The following TENM2 variants were observed in gnomAD, a reference collection of about 807,000 sequenced individuals.
TENM2 encodes teneurin transmembrane protein 2.
A neutral mutation model predicts 245.2 loss-of-function variants in TENM2; 52 were observed. The observed-to-expected ratio is 0.21, with a 90% CI of 0.17 to 0.27. The LOEUF is 0.27. Among genes scored for constraint, TENM2 ranks in the 10% least tolerant of loss-of-function variants. The probability of loss-of-function intolerance (pLI) is 1.00; values close to 1 mark genes in which losing one functional copy is unlikely to be tolerated. For missense variants in TENM2, 3,046 were observed against 3,666.8 expected (o/e 0.83, Z 4.37); for synonymous variants, 1,363 against 1,438.9 (o/e 0.95, Z 1.19).
the TENM2 span, among the ~76,000 whole-genome samples, chr5:167,130,912 TAAAAAAAAAAAAGAA>T: frequency 1.7e-5 from 2 of 118,348 alleles, no homozygotes; most frequent in African/African-American, 7.1e-5. Context: ...TTTTTTTTTT[TAAAAAAAAAAAAGAA>T]TGCTTTCCTT....
chr5:168,201,111 A>C (rs576965190), intron 17 of TENM2, among the ~76,000 whole-genome samples: 1 of 152,082 alleles, frequency 6.6e-6, no homozygotes, highest in African/African-American at 2.4e-5. Flanking sequence ...GGAGAGGGTA[A>C]GAAAGTTGCC....
intron 19 of TENM2, among the ~76,000 whole-genome samples, chr5:168,207,195 C>T (rs1277802885): frequency 6.6e-6 from 1 of 152,178 alleles, no homozygotes; most frequent in Admixed American, 6.5e-5. Flanking sequence ...CAGCAGACCC[C>T]TTGGTCATCT....
chr5:167,297,266 C>T lies in TENM2; in HGVS notation c.226+12203C>T, dbSNP rs561600073. Among the ~76,000 whole-genome samples, 56 of 152,152 alleles carry T rather than the reference C, an allele frequency of 3.7e-4. 1 individual carries two copies. Among genetic ancestry groups the T allele is most frequent in the South Asian group, 1.2e-3 (6 of 4,816 alleles). On this transcript the variant is annotated intron_variant, in intron 1 of 28. Coordinates refer to ENST00000518659, the Ensembl canonical transcript of TENM2. ...TTTAGGTTAATAAATGCAATATAAC[C>T]GAAGCTCATTATGTAGTGTTTCTAA...
At chr5:168,092,438 G>A (rs959303416) in intron 8 of TENM2, among the ~76,000 whole-genome samples, 4 of 152,230 alleles carry the variant, frequency 2.6e-5, no homozygotes, top group Non-Finnish European at 4.4e-5. Flanking sequence ...TCATGGCAGA[G>A]TTGAGTCATT....
intron 27 of TENM2, among the ~76,000 whole-genome samples, chr5:168,249,851 C>T (rs1766938213): frequency 6.6e-6 from 1 of 151,618 alleles, no homozygotes. Flanking sequence ...GAGTGAGAAC[C>T]CATCTCACAA....
the TENM2 span, among the ~76,000 whole-genome samples, chr5:167,221,031 T>C: frequency 6.6e-6 from 1 of 152,138 alleles, no homozygotes; most frequent in East Asian, 1.9e-4. Flanking sequence ...TTTCACCATA[T>C]TGACTAGGCT....
the TENM2 span, among the ~76,000 whole-genome samples, chr5:166,979,235 A>AGCAGCAGCAGCAGCAGCC: frequency 9.8e-5 from 14 of 142,844 alleles, no homozygotes; most frequent in Admixed American, 4.9e-4. Context: ...CAGCAGCAGC[A>AGCAGCAGCAGCAGCAGCC]GCCGCCGCGG....
chr5:167,443,700 T>C (rs1426394787), intron 2 of TENM2, among the ~76,000 whole-genome samples: 1 of 152,196 alleles, frequency 6.6e-6, no homozygotes, highest in Non-Finnish European at 1.5e-5. Context: ...GTATAAGTAC[T>C]TCTGAAATAT....
intron 2 of TENM2, among the ~76,000 whole-genome samples, chr5:167,873,052 T>C (rs990267052): frequency 6.6e-6 from 1 of 152,184 alleles, no homozygotes; most frequent in Non-Finnish European, 1.5e-5. Flanking sequence ...TGATTGTGAG[T>C]TAAAATCTGT....
chr5:168,167,485 C>T (rs1758408703), intron 13 of TENM2, among the ~76,000 whole-genome samples: 1 of 152,128 alleles, frequency 6.6e-6, no homozygotes, highest in Admixed American at 6.6e-5. Flanking sequence ...TGCTTTCTCC[C>T]ATCTGTGGGC....
exon 16 of TENM2, chr5:168,198,994 C>T: frequency 6.2e-7 from 1 of 1,614,036 alleles, no homozygotes; most frequent in South Asian, 1.1e-5. Flanking sequence ...CCGAGGAGAA[C>T]TCCATCCCCA....
intron 3 of TENM2, among the ~76,000 whole-genome samples, chr5:167,932,363 T>C (rs985296879): frequency 2.6e-5 from 4 of 152,178 alleles, no homozygotes; most frequent in African/African-American, 4.8e-5. Flanking sequence ...GTCTCATTAT[T>C]AATTATTCAG....
chr5:167,809,518 C>G (rs907410230), intron 2 of TENM2, among the ~76,000 whole-genome samples: 2 of 152,150 alleles, frequency 1.3e-5, no homozygotes, highest in Admixed American at 6.6e-5. Context: ...CCCCATTCAA[C>G]TGAAGATTTT....
chr5:167,343,426 G>A lies in TENM2; in HGVS notation c.227-31772G>A, dbSNP rs970617136. On this transcript the variant is annotated intron_variant, in intron 1 of 28. Transcript: ENST00000518659. ...AGCTTTAATATTGGCTGGCCATTGA[G>A]AACTTGATATCTCTCCCATACAGTA... Among the ~76,000 whole-genome samples, 3 of 152,230 alleles carry A rather than the reference G, an allele frequency of 2.0e-5. No homozygotes were observed. In the East Asian group the frequency reaches 5.8e-4, roughly 29 times the overall value.
chr5:167,910,982 C>T (rs1776500181), intron 3 of TENM2, among the ~76,000 whole-genome samples: 1 of 151,902 alleles, frequency 6.6e-6, no homozygotes, highest in South Asian at 2.1e-4. Context: ...AGGAAAAAAG[C>T]GTATTTATGC....
At chr5:167,997,629 T>C (rs909849810) in intron 5 of TENM2, among the ~76,000 whole-genome samples, 2 of 152,230 alleles carry the variant, frequency 1.3e-5, no homozygotes, top group Non-Finnish European at 2.9e-5. Flanking sequence ...GGTATGGCTG[T>C]GCACCCATAA....
intron 2 of TENM2, among the ~76,000 whole-genome samples, chr5:167,736,548 G>A (rs1166384682): frequency 6.6e-6 from 1 of 152,020 alleles, no homozygotes; most frequent in Non-Finnish European, 1.5e-5. Flanking sequence ...TTTGGGTTAA[G>A]GTATTTAAGG....
chr5:167,360,262 C>T (rs1759626262), intron 1 of TENM2, among the ~76,000 whole-genome samples: 1 of 152,180 alleles, frequency 6.6e-6, no homozygotes, highest in Non-Finnish European at 1.5e-5. Context: ...GATACTTAGA[C>T]ATTATGTTAA....
At chr5:166,987,024 AATAG>A in the TENM2 span, among the ~76,000 whole-genome samples, 1 of 152,208 alleles carries the variant, frequency 6.6e-6, no homozygotes, top group African/African-American at 2.4e-5. Context: ...CCAAACAGTA[AATAG>A]ATAGAGAGCC....
Sources: gnomAD v4.1 joint callset for allele counts (sites outside exome capture counted in the v4.1 genomes callset) on GRCh38, gnomAD v4.1.1 for gene constraint, MANE v1.5 for transcripts, NCBI Gene and HGNC (gene_info 2026-07-23, HGNC 2026-07-21) for gene names.